The following COL24A1 variants were observed in gnomAD, a reference collection of about 807,000 sequenced individuals.
COL24A1 encodes collagen type XXIV alpha 1 chain.
COL24A1 carries 224 observed loss-of-function variants against 253.9 expected under a neutral mutation model. The observed-to-expected ratio is 0.88, with a 90% CI of 0.79 to 0.99. The LOEUF (loss-of-function observed/expected upper bound fraction) is 0.99. Ranked by LOEUF, COL24A1 falls within the 50% of genes least tolerant of loss-of-function variation. The probability of loss-of-function intolerance (pLI) is 0.00; values close to 1 mark genes in which losing one functional copy is unlikely to be tolerated. For synonymous variants in COL24A1, 685 were observed against 673.7 expected (o/e 1.02, Z -0.26); for missense variants, 2,131 against 2,068.5 (o/e 1.03, Z -0.59).
chr1:86,012,452 G>A (rs1269305742), intron 19 of COL24A1, among the ~76,000 whole-genome samples: 1 of 152,126 alleles, frequency 6.6e-6, no homozygotes, highest in Non-Finnish European at 1.5e-5. Flanking sequence ...AGCCTGGTGT[G>A]GTGGCATGCG....
chr1:86,135,023 C>G (rs907926464), intron 2 of COL24A1, among the ~76,000 whole-genome samples: 2 of 151,672 alleles, frequency 1.3e-5, no homozygotes, highest in African/African-American at 4.8e-5. Context: ...CTTTATGAAT[C>G]TGGGTGCTCC....
chr1:85,982,304 A>C (rs1358812404), intron 20 of COL24A1, among the ~76,000 whole-genome samples: 1 of 152,056 alleles, frequency 6.6e-6, no homozygotes, highest in Non-Finnish European at 1.5e-5. Flanking sequence ...ATAAATATAG[A>C]ATTTCAGTCA....
intron 32 of COL24A1, among the ~76,000 whole-genome samples, chr1:85,888,528 G>A (rs1489610260): frequency 6.6e-6 from 1 of 151,946 alleles, no homozygotes; most frequent in African/African-American, 2.4e-5. Flanking sequence ...GACTTTTTAG[G>A]GGATATACTT....
chr1:86,085,399 A>G (rs913683536), intron 7 of COL24A1, among the ~76,000 whole-genome samples: 1 of 152,194 alleles, frequency 6.6e-6, no homozygotes, highest in Non-Finnish European at 1.5e-5. Flanking sequence ...ATATTGCCAT[A>G]TATTATTTAT....
At chr1:86,045,948 G>A (rs1475701357) in intron 12 of COL24A1, 3 of 364,466 alleles carry the variant, frequency 8.2e-6, no homozygotes, top group Non-Finnish European at 1.6e-5. Context: ...TTTAGATTCA[G>A]TGGAGCTTTG....
intron 53 of COL24A1, among the ~76,000 whole-genome samples, chr1:85,766,093 C>A (rs532869536): frequency 6.6e-6 from 1 of 151,842 alleles, no homozygotes. Context: ...GGACTGGGTG[C>A]GGTGGCTTAT....
intron 12 of COL24A1, among the ~76,000 whole-genome samples, chr1:86,040,657 G>A (rs1211813687): frequency 6.6e-6 from 1 of 151,676 alleles, no homozygotes; most frequent in African/African-American, 2.4e-5. Flanking sequence ...CTGTGGTGGG[G>A]TTAATTCAAA....
At chr1:86,152,011 A>C (rs529696100) in intron 1 of COL24A1, among the ~76,000 whole-genome samples, 1 of 152,356 alleles carries the variant, frequency 6.6e-6, no homozygotes, top group African/African-American at 2.4e-5. Flanking sequence ...AAGTCATGAC[A>C]GCTTTACAGA....
chr1:85,784,139 CT>C lies in COL24A1; in HGVS notation c.4194del (p.Gly1399ValfsTer41), dbSNP rs1200797474. Reference sequence around the variant, plus strand: ...TTAGGGCCTGGGAATCCTTGGAAACCTGTCAAACCTTGAACACCATATTCTC... The same window carrying C: ...TTAGGGCCTGGGAATCCTTGGAAACCGTCAAACCTTGAACACCATATTCTC... ...QPGEYGVQGLTGFQGFPGPKG... is the reference protein window; with the variant it reads ...QPGEYGVQGLXGFQGFPGPKG... On this transcript the variant is annotated frameshift_variant, in exon 50 of 60. Transcript: ENST00000370571. LOFTEE classifies it high-confidence loss of function. 6.2e-7 allele frequency: 1 copy of C among 1,613,514 alleles called. No homozygotes were observed. Among genetic ancestry groups the C allele is most frequent in the Admixed American group, 1.7e-5 (1 of 59,966 alleles).
intron 12 of COL24A1, among the ~76,000 whole-genome samples, chr1:86,040,169 C>T (rs113642706): frequency 2.9e-3 from 439 of 152,186 alleles, no homozygotes; most frequent in Non-Finnish European, 4.9e-3. Flanking sequence ...TTCTGTCCCT[C>T]AATAATAAGA....
At chr1:85,992,675 A>G (rs1694400742) in intron 19 of COL24A1, among the ~76,000 whole-genome samples, 1 of 152,224 alleles carries the variant, frequency 6.6e-6, no homozygotes, top group Non-Finnish European at 1.5e-5. Flanking sequence ...ATACAGGAAG[A>G]AAAGTAAAAA....
intron 52 of COL24A1, 127 bp downstream of exon 52, chr1:85,781,093 G>T: frequency 1.5e-6 from 1 of 648,468 alleles, no homozygotes; most frequent in African/African-American, 1.9e-5. Flanking sequence ...TCATTTTCCA[G>T]AAGAAAATGT....
intron 5 of COL24A1, among the ~76,000 whole-genome samples, chr1:86,093,404 G>A (rs888727700): frequency 6.6e-6 from 1 of 151,922 alleles, no homozygotes; most frequent in Non-Finnish European, 1.5e-5. Context: ...CCCATTGCTC[G>A]CTTTTGTCAG....
chr1:86,119,984 AC>A (rs1706566507), intron 3 of COL24A1, among the ~76,000 whole-genome samples: 1 of 152,164 alleles, frequency 6.6e-6, no homozygotes, highest in African/African-American at 2.4e-5. Context: ...TAGAAATAAC[AC>A]CACACATCTA....
At chr1:86,040,356 G>A (rs1201172202) in intron 12 of COL24A1, among the ~76,000 whole-genome samples, 2 of 150,504 alleles carry the variant, frequency 1.3e-5, no homozygotes, top group Non-Finnish European at 3.0e-5. Flanking sequence ...GGGTACATGT[G>A]CACAATGTGC....
chr1:86,063,165 C>T (rs1174210809), intron 8 of COL24A1, among the ~76,000 whole-genome samples: 1 of 151,808 alleles, frequency 6.6e-6, no homozygotes, highest in Non-Finnish European at 1.5e-5. Flanking sequence ...CTAAATAGTT[C>T]CAAAACTATT....
intron 37 of COL24A1, among the ~76,000 whole-genome samples, chr1:85,857,006 T>A (rs1021902575): frequency 1.3e-5 from 2 of 151,986 alleles, no homozygotes; most frequent in African/African-American, 4.8e-5. Context: ...GAGGTTTTGT[T>A]TGTCTGTTTG....
chr1:85,920,823 T>C (rs1416000741), intron 24 of COL24A1, among the ~76,000 whole-genome samples: 1 of 151,594 alleles, frequency 6.6e-6, no homozygotes. Context: ...TGTGTCTCCA[T>C]AGAACAATCA....
chr1:86,145,776 C>A (rs974011391), intron 2 of COL24A1, among the ~76,000 whole-genome samples: 2 of 151,904 alleles, frequency 1.3e-5, no homozygotes, highest in African/African-American at 2.4e-5. Context: ...TTTGTTGTAT[C>A]AAGAAGTGCA....
Sources: gnomAD v4.1 joint callset for allele counts (sites outside exome capture counted in the v4.1 genomes callset) on GRCh38, gnomAD v4.1.1 for gene constraint, MANE v1.5 for transcripts, NCBI Gene and HGNC (gene_info 2026-07-23, HGNC 2026-07-21) for gene names.